GALNTL6: variants seen among roughly 807,000 people sequenced by gnomAD.
GALNTL6 encodes the protein polypeptide N-acetylgalactosaminyltransferase like 6.
In GALNTL6, 46 loss-of-function variants were observed where a neutral mutation model predicts 73.7. The observed-to-expected ratio is 0.62, with a 90% CI of 0.49 to 0.80. The LOEUF (loss-of-function observed/expected upper bound fraction) is 0.80, where lower values mean the gene tolerates loss of function less well. Ranked by LOEUF, GALNTL6 falls within the 30% of genes least tolerant of loss-of-function variation. The probability of loss-of-function intolerance (pLI) is 0.00; values close to 1 mark genes in which losing one functional copy is unlikely to be tolerated. For missense variants in GALNTL6, 604 were observed against 755.0 expected, an observed-to-expected ratio of 0.80 and a Z score of 2.34; for synonymous variants, 259 against 263.7, an observed-to-expected ratio of 0.98 and a Z score of 0.17.
intron 2 of GALNTL6, among the ~76,000 whole-genome samples, chr4:172,198,494 C>G (rs542815452): frequency 6.6e-6 from 1 of 151,700 alleles, no homozygotes; most frequent in East Asian, 1.9e-4. Flanking sequence ...ATGTGGCCAA[C>G]AAACATGAAA....
At chr4:172,864,574 C>G (rs1253821831) in intron 7 of GALNTL6, among the ~76,000 whole-genome samples, 1 of 152,170 alleles carries the variant, frequency 6.6e-6, no homozygotes, top group African/African-American at 2.4e-5. Flanking sequence ...CTTGGAGAAG[C>G]CATGATATCT....
chr4:171,860,432 T>G (rs948340810), intron 2 of GALNTL6, among the ~76,000 whole-genome samples: 1 of 152,218 alleles, frequency 6.6e-6, no homozygotes, highest in Non-Finnish European at 1.5e-5. Flanking sequence ...ATGCAATATA[T>G]ATTGTCATGG....
At chr4:171,856,490 T>A (rs926126365) in intron 2 of GALNTL6, among the ~76,000 whole-genome samples, 1 of 152,136 alleles carries the variant, frequency 6.6e-6, no homozygotes, top group Non-Finnish European at 1.5e-5. Flanking sequence ...ATCTAAAAAA[T>A]CACCACCAAA....
At chr4:172,892,684 A>G (rs1004502730) in intron 8 of GALNTL6, among the ~76,000 whole-genome samples, 1 of 148,642 alleles carries the variant, frequency 6.7e-6, no homozygotes, top group Non-Finnish European at 1.5e-5. Flanking sequence ...CATATGCCAT[A>G]TGCCCTTACT....
intron 2 of GALNTL6, among the ~76,000 whole-genome samples, chr4:171,877,470 G>T (rs766255375): frequency 6.6e-6 from 1 of 152,166 alleles, no homozygotes. Flanking sequence ...GATCATGACA[G>T]GCCTTCATAG....
intron 10 of GALNTL6, among the ~76,000 whole-genome samples, chr4:172,961,003 TG>T (rs1750023095): frequency 1.2e-5 from 1 of 83,316 alleles, no homozygotes; most frequent in Non-Finnish European, 2.4e-5. Context: ...GAGAAGGGGT[TG>T]GGGGGTTCTT....
intron 5 of GALNTL6, among the ~76,000 whole-genome samples, chr4:172,395,235 A>G (rs1237098481): frequency 6.6e-6 from 1 of 152,216 alleles, no homozygotes; most frequent in Non-Finnish European, 1.5e-5. Context: ...GTAAAGTTTC[A>G]TACAATAGTC....
intron 2 of GALNTL6, among the ~76,000 whole-genome samples, chr4:172,104,619 G>A (rs545552658): frequency 6.6e-6 from 1 of 152,002 alleles, no homozygotes; most frequent in Non-Finnish European, 1.5e-5. Context: ...AATCTTCTAC[G>A]TCATCTGTAT....
At chr4:172,011,911 A>C (rs1741020403) in intron 2 of GALNTL6, among the ~76,000 whole-genome samples, 1 of 152,126 alleles carries the variant, frequency 6.6e-6, no homozygotes, top group South Asian at 2.1e-4. Flanking sequence ...ATAGTGCAAT[A>C]GGGTGAGAAA....
At chr4:172,663,469 A>C (rs539639786) in intron 5 of GALNTL6, among the ~76,000 whole-genome samples, 1 of 152,316 alleles carries the variant, frequency 6.6e-6, no homozygotes, top group South Asian at 2.1e-4. Context: ...CTGTATATTC[A>C]ACCCCTCCCT....
At chr4:172,430,729 C>G (rs1426552025) in intron 5 of GALNTL6, among the ~76,000 whole-genome samples, 1 of 152,058 alleles carries the variant, frequency 6.6e-6, no homozygotes, top group Non-Finnish European at 1.5e-5. Flanking sequence ...TGCTTGAACC[C>G]AGGAGTTTGA....
At chr4:172,559,683 C>A (rs1355991997) in intron 5 of GALNTL6, among the ~76,000 whole-genome samples, 3 of 152,074 alleles carry the variant, frequency 2.0e-5, no homozygotes, top group Non-Finnish European at 4.4e-5. Context: ...AGTCTGAGAT[C>A]TTTATTCTTA....
chr4:172,013,456 G>A (rs548184185), intron 2 of GALNTL6, among the ~76,000 whole-genome samples: 58 of 151,302 alleles, frequency 3.8e-4, no homozygotes, highest in African/African-American at 1.3e-3. Context: ...CTATGTCCTC[G>A]AGTGTCATCC....
rs550243494 is a variant in GALNTL6 at position 172,935,917 on chromosome 4, C to T, written c.1149+4649C>T. 5.9e-5 allele frequency among the ~76,000 whole-genome samples: 9 copies of T among 152,270 alleles called. No homozygotes were observed. In the South Asian group the frequency reaches 1.7e-3, roughly 28 times the overall value. ...AAAAATAGATAGAGAGGGAATCCTCCGTAACTCATTTTATGAGGCCAGCAT... is the reference window on the plus strand; with the variant it reads ...AAAAATAGATAGAGAGGGAATCCTCTGTAACTCATTTTATGAGGCCAGCAT... On this transcript the variant is annotated intron_variant, in intron 9 of 12. Transcript: ENST00000506823.
chr4:172,928,442 C>A (rs1748170061), intron 8 of GALNTL6, among the ~76,000 whole-genome samples: 1 of 152,130 alleles, frequency 6.6e-6, no homozygotes. Flanking sequence ...ATGAAAAGGG[C>A]ATAATTAGCA....
intron 5 of GALNTL6, among the ~76,000 whole-genome samples, chr4:172,411,716 G>T (rs1004515130): frequency 6.6e-6 from 1 of 151,844 alleles, no homozygotes; most frequent in African/African-American, 2.4e-5. Flanking sequence ...TGGCTTAGCT[G>T]CAACCTGCCT....
At chr4:172,102,353 A>T (rs188211331) in intron 2 of GALNTL6, among the ~76,000 whole-genome samples, 1 of 152,364 alleles carries the variant, frequency 6.6e-6, no homozygotes, top group Non-Finnish European at 1.5e-5. Flanking sequence ...TTCAGTTGAT[A>T]TAACTTTATA....
At chr4:172,420,119 C>A (rs902250178) in intron 5 of GALNTL6, among the ~76,000 whole-genome samples, 1 of 152,128 alleles carries the variant, frequency 6.6e-6, no homozygotes, top group African/African-American at 2.4e-5. Flanking sequence ...ATCCATTTTA[C>A]TAAATAATAG....
Position 172,809,608 on chromosome 4 carries a change from T to C in GALNTL6, c.739+62T>C, listed in dbSNP as rs1339954682. ...TCAGGGGAACTGAGCGGTTTGCTTC[T>C]ATTTAGTTTGCAATCAGCAAACACT... On this transcript the variant is annotated intron_variant, in intron 6 of 12. Coordinates refer to ENST00000506823, the MANE Select transcript of GALNTL6 (RefSeq NM_001034845.3). This position sits in a 1 kb window ranked among gnomAD's most constrained non-coding sequence, Gnocchi z 4.4. 7.2e-7 allele frequency: 1 copy of C among 1,387,710 alleles called. No individual in the cohort carries two copies. Among genetic ancestry groups the C allele is most frequent in the Non-Finnish European group, 9.8e-7 (1 of 1,020,186 alleles). 86.0% of individuals were successfully genotyped at this position (1,387,710 alleles called of 1,614,324 possible).
Sources: gnomAD v4.1 joint callset for allele counts (sites outside exome capture counted in the v4.1 genomes callset) on GRCh38, gnomAD v4.1.1 for gene constraint, Gnocchi (gnomAD v3.1) non-coding constraint, MANE v1.5 for transcripts, NCBI Gene and HGNC (gene_info 2026-07-23, HGNC 2026-07-21) for gene names.